The following MEI4 variants were observed in gnomAD, a reference collection of about 807,000 sequenced individuals.
MEI4 encodes the protein meiotic double-stranded break formation protein 4.
MEI4 carries 27 observed loss-of-function variants against 31.4 expected under a neutral mutation model. The observed-to-expected ratio is 0.86, with a 90% CI of 0.63 to 1.19. MEI4 has a LOEUF of 1.19. Among genes scored for constraint, MEI4 ranks in the 50% most tolerant of loss-of-function variants. The pLI is 0.00. For synonymous variants in MEI4, 122 were observed against 145.4 expected (o/e 0.84, Z 1.16); for missense variants, 329 against 398.9 (o/e 0.82, Z 1.49).
intron 3 of MEI4, among the ~76,000 whole-genome samples, chr6:77,797,682 C>A (rs1769117826): frequency 6.6e-6 from 1 of 152,256 alleles, no homozygotes; most frequent in African/African-American, 2.4e-5. Flanking sequence ...ATGGAAGCAT[C>A]CAGCACAGGA....
In MEI4 at chr6:77,749,376, G is replaced by A. The variant is rs574338890; in HGVS notation, c.233-11754G>A. Among the ~76,000 whole-genome samples, 212 of 152,208 alleles carry A rather than the reference G, an allele frequency of 1.4e-3. 1 individual carries two copies. Among genetic ancestry groups the A allele is most frequent in the African/African-American group, 4.5e-3 (186 of 41,536 alleles). On this transcript the variant is annotated intron_variant, in intron 2 of 4. Transcript: ENST00000684080. ...AAGGAAGCTGAGAACCTTGATAAAA[G>A]GTTAGATGCATTGCTTACTAGAACA...
chr6:77,694,598 T>C (rs1562208673), intron 2 of MEI4, among the ~76,000 whole-genome samples: 1 of 152,148 alleles, frequency 6.6e-6, no homozygotes, highest in Admixed American at 6.5e-5. Flanking sequence ...GAACTCATCA[T>C]TTTTTATGGC....
chr6:77,766,753 T>C (rs1768187535), intron 3 of MEI4, among the ~76,000 whole-genome samples: 1 of 152,198 alleles, frequency 6.6e-6, no homozygotes, highest in Non-Finnish European at 1.5e-5. Flanking sequence ...TTTGTTTTTT[T>C]TCTAGTATGT....
At chr6:77,787,624 A>C (rs1768778405) in intron 3 of MEI4, among the ~76,000 whole-genome samples, 1 of 152,184 alleles carries the variant, frequency 6.6e-6, no homozygotes, top group Admixed American at 6.5e-5. Flanking sequence ...ATGCACAGAC[A>C]ACCATGCAAG....
At chr6:77,900,211 A>C (rs1483403947) in intron 4 of MEI4, among the ~76,000 whole-genome samples, 1 of 152,082 alleles carries the variant, frequency 6.6e-6, no homozygotes, top group Non-Finnish European at 1.5e-5. Context: ...AAATTAGTAC[A>C]TCCAAATTCA....
intron 4 of MEI4, among the ~76,000 whole-genome samples, chr6:77,864,919 T>A (rs1430459456): frequency 6.6e-6 from 1 of 152,170 alleles, no homozygotes; most frequent in Non-Finnish European, 1.5e-5. Flanking sequence ...GACTCAGGAT[T>A]AAGAAACTCA....
rs147414894 is a variant in MEI4 at position 77,883,204 on chromosome 6, T to C, written c.901-39885T>C. ...TTTAATGTATACATAATTGTACATATTTATGGAGTATGTGTGATATTTTGC... is the reference window on the plus strand; with the variant it reads ...TTTAATGTATACATAATTGTACATACTTATGGAGTATGTGTGATATTTTGC... On this transcript the variant is annotated intron_variant, in intron 4 of 4. Coordinates refer to ENST00000684080, the MANE Select transcript of MEI4 (RefSeq NM_001322247.2). Among the ~76,000 whole-genome samples, 28 of 152,280 alleles carry C rather than the reference T, an allele frequency of 1.8e-4. No individual in the cohort carries two copies. In the East Asian group the frequency reaches 3.7e-3, roughly 20 times the overall value.
intron 1 of MEI4, among the ~76,000 whole-genome samples, chr6:77,672,625 C>T (rs6929608): frequency 0.33 from 50,416 of 152,060 alleles, 8,702 homozygotes; most frequent in Middle Eastern, 0.37. Context: ...TTGCAAGCTC[C>T]GCCTCCCAGG....
At chr6:77,834,084 C>A (rs1770149193) in intron 4 of MEI4, among the ~76,000 whole-genome samples, 1 of 152,010 alleles carries the variant, frequency 6.6e-6, no homozygotes, top group Admixed American at 6.6e-5. Context: ...CAACCTGGAC[C>A]CCATTAAAAC....
At chr6:77,704,348 C>A (rs1210853906) in intron 2 of MEI4, among the ~76,000 whole-genome samples, 1 of 152,120 alleles carries the variant, frequency 6.6e-6, no homozygotes, top group Non-Finnish European at 1.5e-5. Flanking sequence ...TCTTTCCTTG[C>A]TGCTTCAACT....
At chr6:77,853,979 T>G (rs1269370077) in intron 4 of MEI4, among the ~76,000 whole-genome samples, 1 of 152,196 alleles carries the variant, frequency 6.6e-6, no homozygotes, top group Non-Finnish European at 1.5e-5. Flanking sequence ...TTGGAGAGTA[T>G]GATACTTGTA....
Position 77,923,984 on chromosome 6 carries a change from A to G in MEI4, c.*638A>G, listed in dbSNP as rs1380306561. 1 of 151,638 alleles carries G rather than the reference A, an allele frequency of 6.6e-6. No homozygotes were observed. The highest frequency in any genetic ancestry group is 2.4e-5 in the African/African-American group (1 of 41,374). The allele number at this position is 151,638 out of a possible 1,614,324, so 9.4% of individuals were successfully genotyped here. On this transcript the variant is annotated 3_prime_UTR_variant, in exon 5 of 5. Transcript: ENST00000684080. ...TGTTTAAAATGTTCTTTGTTTTTCA[A>G]CAAATACTTGTTTCAATTCTGTTAA...
At chr6:77,712,301 C>T (rs545492506) in intron 2 of MEI4, among the ~76,000 whole-genome samples, 66 of 152,192 alleles carry the variant, frequency 4.3e-4, no homozygotes, top group African/African-American at 1.5e-3. Context: ...AACAACTTTT[C>T]GAACAGTTCC....
intron 2 of MEI4, among the ~76,000 whole-genome samples, chr6:77,735,821 G>A (rs954516263): frequency 6.6e-6 from 1 of 152,016 alleles, no homozygotes; most frequent in African/African-American, 2.4e-5. Flanking sequence ...TGGTGTGGAT[G>A]TACTTTCTGT....
intron 3 of MEI4, among the ~76,000 whole-genome samples, chr6:77,810,935 A>G (rs1196282027): frequency 6.6e-6 from 1 of 152,126 alleles, no homozygotes; most frequent in Non-Finnish European, 1.5e-5. Context: ...CAGGAGGAAA[A>G]GAAAAAAAAA....
chr6:77,895,292 G>A (rs1260599640), intron 4 of MEI4, among the ~76,000 whole-genome samples: 1 of 152,076 alleles, frequency 6.6e-6, no homozygotes, highest in Non-Finnish European at 1.5e-5. Flanking sequence ...CCTACAGAAG[G>A]CTAAATTGTA....
intron 3 of MEI4, among the ~76,000 whole-genome samples, chr6:77,791,579 C>G (rs1768935130): frequency 1.3e-5 from 2 of 148,668 alleles, no homozygotes; most frequent in South Asian, 4.3e-4. Context: ...ATACCTAATG[C>G]TAGATGACGA....
intron 3 of MEI4, among the ~76,000 whole-genome samples, chr6:77,775,851 C>T (rs1309021149): frequency 1.3e-5 from 2 of 152,062 alleles, no homozygotes; most frequent in Non-Finnish European, 2.9e-5. Flanking sequence ...GCATCCATGC[C>T]AACATCTATT....
intron 3 of MEI4, among the ~76,000 whole-genome samples, chr6:77,768,882 A>G (rs529202423): frequency 2.0e-5 from 3 of 152,232 alleles, no homozygotes; most frequent in South Asian, 2.1e-4. Context: ...TATAAGTTAT[A>G]TGGTTTTGCT....
Sources: allele counts gnomAD v4.1 joint callset (sites outside exome capture counted in the v4.1 genomes callset), GRCh38; gene constraint gnomAD v4.1.1; transcripts MANE v1.5; gene names NCBI Gene and HGNC (gene_info 2026-07-23, HGNC 2026-07-21).